CYP7B1: variants seen among roughly 807,000 people sequenced by gnomAD.
CYP7B1 encodes cytochrome P450 family 7 subfamily B member 1, also known as cytochrome P450 7B1.
CYP7B1 carries 29 observed loss-of-function variants against 42.7 expected under a neutral mutation model. The observed-to-expected ratio is 0.68, with a 90% CI of 0.51 to 0.93. CYP7B1 has a LOEUF of 0.93. Ranked by LOEUF, CYP7B1 falls within the 40% of genes least tolerant of loss-of-function variation. The probability of loss-of-function intolerance (pLI) is 0.00; values close to 1 mark genes in which losing one functional copy is unlikely to be tolerated. For missense variants in CYP7B1, 655 were observed against 600.5 expected (o/e 1.09, Z -0.95); for synonymous variants, 235 against 218.2 (o/e 1.08, Z -0.68).
intron 2 of CYP7B1, among the ~76,000 whole-genome samples, chr8:64,622,831 C>T (rs562602279): frequency 1.3e-5 from 2 of 152,116 alleles, no homozygotes; most frequent in Admixed American, 1.3e-4. Context: ...CATGGTAAAT[C>T]ATTGAGAAAC....
At chr8:64,763,278 G>A (rs760796295) in intron 1 of CYP7B1, among the ~76,000 whole-genome samples, 1 of 152,126 alleles carries the variant, frequency 6.6e-6, no homozygotes, top group African/African-American at 2.4e-5. Context: ...TGGGTTCCAC[G>A]GTTCTCTTCT....
At chr8:64,737,831 T>C (rs1444811304) in intron 1 of CYP7B1, among the ~76,000 whole-genome samples, 3 of 152,232 alleles carry the variant, frequency 2.0e-5, no homozygotes, top group African/African-American at 7.2e-5. Flanking sequence ...TTATTCTTGC[T>C]TGTGCATAGC....
intron 1 of CYP7B1, among the ~76,000 whole-genome samples, chr8:64,726,832 G>A (rs771468519): frequency 1.3e-5 from 2 of 151,988 alleles, no homozygotes; most frequent in African/African-American, 2.4e-5. Context: ...ACCCCACCCC[G>A]ATTTTGTGGT....
Position 64,616,177 on chromosome 8 carries a change from C to T in CYP7B1, c.364G>A (p.Ala122Thr), listed in dbSNP as rs1039770942. Residue 122 changes from alanine to threonine, a missense_variant, in exon 3 of 6, where the codon GCA (alanine) becomes ACA (threonine). By Grantham distance (58) the Ala-to-Thr change is moderately conservative. Transcript: ENST00000310193. ...RVFSNKLLEK[A>T]FSISQLQKNH... The stretch of plus-strand genomic sequence containing the variant: ...TTTTGCAACTGACTGATGCTAAATG[C>T]TTTCTCTAATAATTTATTAGAAAAT... The T allele has an allele frequency of 5.6e-6, 9 of 1,612,126 alleles. No individual in the cohort carries two copies. The highest frequency in any genetic ancestry group is 4.5e-5 in the East Asian group (2 of 44,832).
At chr8:64,707,445 C>G (rs1563399449) in intron 1 of CYP7B1, among the ~76,000 whole-genome samples, 1 of 152,052 alleles carries the variant, frequency 6.6e-6, no homozygotes, top group Non-Finnish European at 1.5e-5. Context: ...GTAGGCACTT[C>G]CTTTCTTTTG....
intron 1 of CYP7B1, among the ~76,000 whole-genome samples, chr8:64,754,740 A>C (rs1200907276): frequency 2.0e-5 from 3 of 152,210 alleles, no homozygotes. Flanking sequence ...TGCCATGGTG[A>C]TGAAAAGCCC....
intron 5 of CYP7B1, among the ~76,000 whole-genome samples, chr8:64,602,322 G>A (rs984198221): frequency 6.6e-6 from 1 of 152,254 alleles, no homozygotes; most frequent in Non-Finnish European, 1.5e-5. Context: ...TTCCTGTGGA[G>A]TAGTTTGGTG....
intron 2 of CYP7B1, among the ~76,000 whole-genome samples, chr8:64,619,704 G>A (rs935243946): frequency 5.9e-5 from 9 of 152,048 alleles, no homozygotes; most frequent in South Asian, 4.2e-4. Context: ...TTCCACTTCC[G>A]TTAAAATTAA....
chr8:64,638,705 T>C (rs1805810334), intron 1 of CYP7B1, among the ~76,000 whole-genome samples: 1 of 152,140 alleles, frequency 6.6e-6, no homozygotes, highest in Admixed American at 6.6e-5. Flanking sequence ...TATTTCACTG[T>C]GTTGTTCCCA....
intron 1 of CYP7B1, among the ~76,000 whole-genome samples, chr8:64,673,235 T>C (rs1806393388): frequency 6.6e-6 from 1 of 152,148 alleles, no homozygotes; most frequent in African/African-American, 2.4e-5. Flanking sequence ...TTCTGCATAA[T>C]GTATACTCCG....
intron 1 of CYP7B1, among the ~76,000 whole-genome samples, chr8:64,791,123 C>A (rs372316778): frequency 2.0e-5 from 3 of 152,178 alleles, no homozygotes; most frequent in Middle Eastern, 3.2e-3. Flanking sequence ...ACCCAGTAAA[C>A]ACCTTGATCT....
chr8:64,741,445 G>A lies in CYP7B1; in HGVS notation c.122+57021C>T, dbSNP rs182512864. On this transcript the variant is annotated intron_variant, in intron 1 of 5. Transcript: ENST00000310193. ...AGTGATTCTCCTGCCTCAGCCTCCC[G>A]AGTAGCTGGGATTACAGGCATGCAC... 5.7e-3 allele frequency among the ~76,000 whole-genome samples: 861 copies of A among 151,950 alleles called. 8 individuals are homozygous for A. Among genetic ancestry groups the A allele is most frequent in the African/African-American group, 0.02 (828 of 41,444 alleles).
At position 64,596,857 on chromosome 8, in the gene CYP7B1, T is replaced by C; in HGVS notation, c.1306A>G (p.Lys436Glu). The C allele has an allele frequency of 6.2e-7, 1 of 1,614,044 alleles. No homozygotes were observed. Among genetic ancestry groups the C allele is most frequent in the Non-Finnish European group, 8.5e-7 (1 of 1,179,950 alleles). The change falls in exon 6 of 6, where the codon AAG becomes GAG. Residue 436 changes from lysine (K) to glutamate (E), a missense_variant. Physicochemically the swap from Lys to Glu is moderately conservative, Grantham distance 56. Coordinates refer to ENST00000310193, the MANE Select transcript of CYP7B1 (RefSeq NM_004820.5). Reference sequence around the variant, plus strand: ...GTTCCAAACGGCATTAGGTAACACTTCAGCTTTTTCCCTCTTTTGAAAAAG... The same window carrying C: ...GTTCCAAACGGCATTAGGTAACACTCCAGCTTTTTCCCTCTTTTGAAAAAG... ...TTFFKRGKKL[K>E]CYLMPFGTGT...
At chr8:64,701,516 T>C in intron 1 of CYP7B1, among the ~76,000 whole-genome samples, 1 of 152,064 alleles carries the variant, frequency 6.6e-6, no homozygotes, top group East Asian at 1.9e-4. Flanking sequence ...GTAAGCAGGG[T>C]GTGATATTAC....
rs1807523153 is a variant in CYP7B1, at chr8:64,738,527, T to C, written c.122+59939A>G. Among the ~76,000 whole-genome samples the C allele has an allele frequency of 2.0e-5, 3 of 151,934 alleles. No homozygotes were observed. The South Asian group carries it at 6.2e-4, about 32-fold the overall frequency. ...CTAATTTTATCAGGATAGAATATAA[T>C]ACAAGAAAACACACACACACGCACA... is the stretch of plus-strand genomic sequence containing the variant. On this transcript the variant is annotated intron_variant, in intron 1 of 5. Transcript: ENST00000310193.
At chr8:64,640,731 A>G (rs573158140) in intron 1 of CYP7B1, among the ~76,000 whole-genome samples, 1 of 152,314 alleles carries the variant, frequency 6.6e-6, no homozygotes, top group South Asian at 2.1e-4. Flanking sequence ...AGCAAAAAAT[A>G]TCAGGGACCA....
intron 1 of CYP7B1, among the ~76,000 whole-genome samples, chr8:64,747,491 T>A (rs2129633419): frequency 6.6e-6 from 1 of 151,478 alleles, no homozygotes; most frequent in Admixed American, 6.6e-5. Flanking sequence ...CATTTGTATA[T>A]GTGTTATATG....
At chr8:64,745,387 T>C (rs1406197583) in intron 1 of CYP7B1, among the ~76,000 whole-genome samples, 1 of 152,230 alleles carries the variant, frequency 6.6e-6, no homozygotes, top group African/African-American at 2.4e-5. Context: ...GTGCATTTTC[T>C]AATTGGGAGA....
chr8:64,636,531 C>A (rs536217250), intron 1 of CYP7B1, among the ~76,000 whole-genome samples: 2 of 152,220 alleles, frequency 1.3e-5, no homozygotes, highest in East Asian at 1.9e-4. Flanking sequence ...TCTCTCCTGA[C>A]CCTTTTTTCC....
Sources: allele counts gnomAD v4.1 joint callset (sites outside exome capture counted in the v4.1 genomes callset), GRCh38; gene constraint gnomAD v4.1.1; transcripts MANE v1.5; gene names NCBI Gene and HGNC (gene_info 2026-07-23, HGNC 2026-07-21).